The following NDFIP2 variants were observed in gnomAD, a reference collection of about 807,000 sequenced individuals.
The protein encoded by NDFIP2 is Nedd4 family interacting protein 2.
A neutral mutation model predicts 36.0 loss-of-function variants in NDFIP2; 19 were observed. That is an observed-to-expected ratio of 0.53 (90% CI 0.37 to 0.77). The LOEUF is 0.77. NDFIP2 is among the 30% of genes least tolerant of loss of function. The pLI, the probability that NDFIP2 is intolerant of heterozygous loss-of-function variation, is 0.00. For missense variants in NDFIP2, 446 were observed against 435.8 expected, an observed-to-expected ratio of 1.02 and a Z score of -0.21; for synonymous variants, 181 against 167.7, an observed-to-expected ratio of 1.08 and a Z score of -0.61.
chr13:79,519,155 A>G (rs1874465167), intron 1 of NDFIP2: 1 of 152,166 alleles, frequency 6.6e-6, no homozygotes, highest in Non-Finnish European at 1.5e-5. Context: ...ATTTTGCTAC[A>G]TCACATTCAA....
intron 6 of NDFIP2, among the ~76,000 whole-genome samples, chr13:79,549,840 A>C (rs1330475247): frequency 6.6e-6 from 1 of 151,878 alleles, no homozygotes; most frequent in Non-Finnish European, 1.5e-5. Flanking sequence ...ATTCAGAAGG[A>C]GTCCCAAAAG....
intron 1 of NDFIP2, among the ~76,000 whole-genome samples, chr13:79,488,879 T>C (rs542734505): frequency 6.6e-6 from 1 of 152,298 alleles, no homozygotes; most frequent in Admixed American, 6.5e-5. Flanking sequence ...ATAGCAATAA[T>C]AGAACAGTAC....
chr13:79,483,264 G>A (rs1417829559), intron 1 of NDFIP2, among the ~76,000 whole-genome samples: 1 of 151,650 alleles, frequency 6.6e-6, no homozygotes, highest in East Asian at 1.9e-4. Flanking sequence ...TCCTTGTAAG[G>A]CAACTTACAA....
chr13:79,502,546 T>A (rs1873706921), intron 1 of NDFIP2, among the ~76,000 whole-genome samples: 1 of 152,046 alleles, frequency 6.6e-6, no homozygotes, highest in Non-Finnish European at 1.5e-5. Context: ...ACAGAATGAA[T>A]GGTTGAAGAT....
At chr13:79,538,876 C>T (rs151054275) in intron 3 of NDFIP2, among the ~76,000 whole-genome samples, 23 of 152,356 alleles carry the variant, frequency 1.5e-4, no homozygotes, top group African/African-American at 5.0e-4. Flanking sequence ...GCCACAGCGC[C>T]TGGCCAGAAT....
chr13:79,497,791 G>T (rs953199658), intron 1 of NDFIP2, among the ~76,000 whole-genome samples: 2 of 67,130 alleles, frequency 3.0e-5, no homozygotes, highest in South Asian at 4.1e-4. Flanking sequence ...CTTTATCTGT[G>T]GGGGGTGTGT....
At chr13:79,509,690 TAG>T (rs71106101) in intron 1 of NDFIP2, among the ~76,000 whole-genome samples, 8 of 147,908 alleles carry the variant, frequency 5.4e-5, no homozygotes, top group African/African-American at 1.0e-4. Context: ...TATATATATA[TAG>T]AGAGAGAGAG....
intron 1 of NDFIP2, among the ~76,000 whole-genome samples, chr13:79,484,654 A>T (rs73551533): frequency 0.027 from 4,060 of 152,276 alleles, 180 homozygotes; most frequent in African/African-American, 0.093. Flanking sequence ...ACATAATTTG[A>T]AGTATTCATT....
At chr13:79,485,995 C>A (rs1464726458) in intron 1 of NDFIP2, among the ~76,000 whole-genome samples, 1 of 152,116 alleles carries the variant, frequency 6.6e-6, no homozygotes, top group Non-Finnish European at 1.5e-5. Flanking sequence ...ATCTAAAATG[C>A]CCCCAAATCT....
Position 79,551,123 on chromosome 13 carries a change from G to A in NDFIP2, c.*2+1G>A. Reference sequence around the variant, plus strand: ...CAAGGTATTTCTTCTTATTGTAGAGGTAAGAAATATTAATCTGTGAACTCT... The same window carrying A: ...CAAGGTATTTCTTCTTATTGTAGAGATAAGAAATATTAATCTGTGAACTCT... On this transcript the variant is annotated splice_donor_variant, in intron 7 of 7. Coordinates refer to ENST00000218652, the MANE Select transcript of NDFIP2 (RefSeq NM_019080.3). LOFTEE classifies it low-confidence loss of function (3UTR_SPLICE). 6.4e-7 allele frequency: 1 copy of A among 1,564,928 alleles called. No homozygotes were observed. The highest frequency in any genetic ancestry group is 8.7e-7 in the Non-Finnish European group (1 of 1,147,196).
chr13:79,507,673 T>C (rs1873920453), intron 1 of NDFIP2, among the ~76,000 whole-genome samples: 1 of 152,068 alleles, frequency 6.6e-6, no homozygotes, highest in African/African-American at 2.4e-5. Context: ...TGTTTAAAAA[T>C]GTCTATTCGT....
At chr13:79,533,543 T>A in intron 3 of NDFIP2, 87 bp downstream of exon 3, 1 of 1,251,188 alleles carries the variant, frequency 8.0e-7, no homozygotes, top group Non-Finnish European at 1.1e-6. Flanking sequence ...GTTCTTTGTG[T>A]GTAAGTGTGT....
At chr13:79,489,515 A>G (rs1158788978) in intron 1 of NDFIP2, among the ~76,000 whole-genome samples, 2 of 152,206 alleles carry the variant, frequency 1.3e-5, no homozygotes, top group Non-Finnish European at 2.9e-5. Flanking sequence ...TTGCACATAC[A>G]TGGAGGGGAG....
intron 1 of NDFIP2, among the ~76,000 whole-genome samples, chr13:79,489,290 T>A (rs550367943): frequency 9.7e-4 from 148 of 152,300 alleles, no homozygotes; most frequent in Non-Finnish European, 1.5e-3. Context: ...CAGCTGGAAC[T>A]ATTGACTTCA....
intron 1 of NDFIP2, among the ~76,000 whole-genome samples, chr13:79,520,334 T>TA (rs1874519535): frequency 6.6e-6 from 1 of 152,192 alleles, no homozygotes; most frequent in South Asian, 2.1e-4. Context: ...ACTCTACTGT[T>TA]ACAATTGCAT....
At chr13:79,537,313 G>A (rs1875280163) in intron 3 of NDFIP2, among the ~76,000 whole-genome samples, 1 of 152,092 alleles carries the variant, frequency 6.6e-6, no homozygotes, top group African/African-American at 2.4e-5. Flanking sequence ...GTTTCGCCAT[G>A]TTGGTCAGGC....
intron 2 of NDFIP2, among the ~76,000 whole-genome samples, chr13:79,523,028 C>A (rs1053239753): frequency 6.6e-6 from 1 of 152,118 alleles, no homozygotes; most frequent in Admixed American, 6.6e-5. Context: ...TACAGTCTCT[C>A]CTATTTCAAT....
chr13:79,517,443 T>C (rs1029143067), intron 1 of NDFIP2, among the ~76,000 whole-genome samples: 1 of 150,778 alleles, frequency 6.6e-6, no homozygotes, highest in Non-Finnish European at 1.5e-5. Flanking sequence ...TTGATAAATA[T>C]GACTTTATTT....
chr13:79,507,388 C>T (rs1174244294), intron 1 of NDFIP2, among the ~76,000 whole-genome samples: 2 of 63,168 alleles, frequency 3.2e-5, no homozygotes, highest in Non-Finnish European at 5.0e-5. Context: ...ATTCTCCTGC[C>T]TCAGCCTCCC....
Sources: gnomAD v4.1 joint callset for allele counts (sites outside exome capture counted in the v4.1 genomes callset) on GRCh38, gnomAD v4.1.1 for gene constraint, MANE v1.5 for transcripts, NCBI Gene and HGNC (gene_info 2026-07-23, HGNC 2026-07-21) for gene names.